IQCJ: variants seen among roughly 807,000 people sequenced by gnomAD.
IQCJ encodes the protein IQ motif containing J, also known as IQ domain-containing protein J.
A neutral mutation model predicts 11.0 loss-of-function variants in IQCJ; 9 were observed. The ratio of observed to expected loss-of-function variants is 0.82; its 90% CI spans 0.49 to 1.43. The LOEUF is 1.43. Ranked by LOEUF, IQCJ falls within the 40% of genes most tolerant of loss-of-function variation. The pLI, the probability that IQCJ is intolerant of heterozygous loss-of-function variation, is 0.00. For missense variants in IQCJ, 146 were observed against 133.2 expected (o/e 1.10, Z -0.47); for synonymous variants, 55 against 51.3 (o/e 1.07, Z -0.31).
chr3:159,173,136 G>A (rs1722587012), intron 1 of IQCJ, among the ~76,000 whole-genome samples: 1 of 152,082 alleles, frequency 6.6e-6, no homozygotes, highest in Admixed American at 6.6e-5. Flanking sequence ...TTCAGCTTTG[G>A]CCATGCCATC....
intron 3 of IQCJ, among the ~76,000 whole-genome samples, chr3:159,253,804 C>A (rs972471133): frequency 2.0e-5 from 3 of 152,216 alleles, no homozygotes; most frequent in Admixed American, 1.3e-4. Flanking sequence ...CAACGTTGAA[C>A]AACACCAAGT....
intron 1 of IQCJ, among the ~76,000 whole-genome samples, chr3:159,087,387 G>T (rs1190766588): frequency 6.9e-6 from 1 of 144,306 alleles, no homozygotes; most frequent in South Asian, 2.3e-4. Context: ...CTCTTTTTTG[G>T]TTGTGTCTCT....
At chr3:159,223,555 A>T (rs148774625) in intron 1 of IQCJ, among the ~76,000 whole-genome samples, 321 of 152,250 alleles carry the variant, frequency 2.1e-3, no homozygotes, top group African/African-American at 7.5e-3. Context: ...AGATACAGAC[A>T]TACCTTAAAA....
At chr3:159,123,810 T>C (rs1007946036) in intron 1 of IQCJ, among the ~76,000 whole-genome samples, 7 of 152,114 alleles carry the variant, frequency 4.6e-5, no homozygotes, top group African/African-American at 1.7e-4. Context: ...TGTGATTTAG[T>C]GGGGTGACAA....
chr3:159,233,177 G>A (rs1273486138), intron 1 of IQCJ, among the ~76,000 whole-genome samples: 1 of 152,036 alleles, frequency 6.6e-6, no homozygotes, highest in African/African-American at 2.4e-5. Context: ...GGGTTTTGAT[G>A]ACACGTTTAT....
intron 2 of IQCJ, among the ~76,000 whole-genome samples, chr3:159,248,431 C>T (rs1727399745): frequency 6.6e-6 from 1 of 152,168 alleles, no homozygotes; most frequent in Non-Finnish European, 1.5e-5. Flanking sequence ...AATTTCCCTC[C>T]ACCACCACCG....
rs765699106 is a variant in IQCJ at position 159,262,662 on chromosome 3, C to T, written c.270C>T (p.Thr90=). 3 of 1,613,996 alleles carry T rather than the reference C, an allele frequency of 1.9e-6. No homozygotes were observed. Among genetic ancestry groups the T allele is most frequent in the African/African-American group, 1.3e-5 (1 of 75,046 alleles). The change falls in exon 4 of 4, where the codon ACC becomes ACT. Residue 90 remains threonine, a synonymous_variant. Coordinates refer to ENST00000397832, the MANE Select transcript of IQCJ (RefSeq NM_001042706.3). ...TGAGCAGCTCTGTCAGCATGAACAC[C>T]TTCTCCGACAGCAGCACACCCGTGA... ...EKLSSSVSMN[T]FSDSSTPVSV...
chr3:159,084,563 A>G (rs1318065087), intron 1 of IQCJ, among the ~76,000 whole-genome samples: 1 of 152,132 alleles, frequency 6.6e-6, no homozygotes, highest in Non-Finnish European at 1.5e-5. Flanking sequence ...CAACAATCCT[A>G]TGATGTAGCT....
chr3:159,178,848 T>C (rs1403588722), intron 1 of IQCJ, among the ~76,000 whole-genome samples: 1 of 152,180 alleles, frequency 6.6e-6, no homozygotes, highest in African/African-American at 2.4e-5. Flanking sequence ...AGGAAAAAGA[T>C]ACAATCAGTT....
intron 1 of IQCJ, among the ~76,000 whole-genome samples, chr3:159,179,003 A>G (rs998367037): frequency 8.5e-5 from 13 of 152,134 alleles, no homozygotes; most frequent in African/African-American, 2.9e-4. Flanking sequence ...CTAGAAAAAA[A>G]TATATTTTGG....
chr3:159,096,403 C>A (rs1717757531), intron 1 of IQCJ, among the ~76,000 whole-genome samples: 1 of 146,170 alleles, frequency 6.8e-6, no homozygotes, highest in Non-Finnish European at 1.5e-5. Flanking sequence ...TCTTTTGTTG[C>A]CATTGCTTTT....
chr3:159,157,047 G>T (rs1190074215), intron 1 of IQCJ, among the ~76,000 whole-genome samples: 3 of 152,288 alleles, frequency 2.0e-5, no homozygotes, highest in South Asian at 4.1e-4. Flanking sequence ...TGTGTGGCCT[G>T]ATCTTTCCAC....
rs992223669 is a variant in IQCJ at position 159,229,920 on chromosome 3, T to A, written c.10-15923T>A. 3.4e-4 allele frequency among the ~76,000 whole-genome samples: 48 copies of A among 139,348 alleles called. No individual in the cohort carries two copies. In the Admixed American group the frequency reaches 3.5e-3, roughly 10 times the overall value. 91.4% of individuals were successfully genotyped at this position (139,348 alleles called of 152,430 possible). ...AACCACAGTTTTGTTAATTTTTTTT[T>A]AAATTTCAGCTTTGATTTTAGATAC... On this transcript the variant is annotated intron_variant, in intron 1 of 3. Coordinates refer to ENST00000397832, the MANE Select transcript of IQCJ (RefSeq NM_001042706.3).
intron 1 of IQCJ, among the ~76,000 whole-genome samples, chr3:159,179,335 G>T (rs191380272): frequency 1.2e-4 from 19 of 152,168 alleles, no homozygotes; most frequent in Admixed American, 3.3e-4. Flanking sequence ...ATGGTCAGAG[G>T]TTCTCACCTC....
rs61796000 is a variant in IQCJ at position 159,088,794 on chromosome 3, A to G, written c.9+19353A>G. Among the ~76,000 whole-genome samples the G allele has an allele frequency of 6.5e-3, 988 of 151,640 alleles. 3 individuals carry two copies. Among genetic ancestry groups the G allele is most frequent in the Middle Eastern group, 0.017 (5 of 294 alleles). ...TTGGTAGATCTTCCTCCATCCTTTT[A>G]TTTTGAGCCTATGTGTGTCTCTGCA... On this transcript the variant is annotated intron_variant, in intron 1 of 3. Coordinates refer to ENST00000397832, the MANE Select transcript of IQCJ (RefSeq NM_001042706.3).
chr3:159,085,021 C>G (rs1716616491), intron 1 of IQCJ, among the ~76,000 whole-genome samples: 1 of 151,882 alleles, frequency 6.6e-6, no homozygotes, highest in Admixed American at 6.6e-5. Context: ...CACCCACTAA[C>G]TCGTCATCTA....
intron 1 of IQCJ, among the ~76,000 whole-genome samples, chr3:159,204,605 T>C (rs1724541150): frequency 6.6e-6 from 1 of 152,210 alleles, no homozygotes; most frequent in Non-Finnish European, 1.5e-5. Context: ...CTATATTGTA[T>C]TGGTTAAAGC....
At chr3:159,265,657 G>C (rs150938544), downstream of IQCJ, 1 of 345,812 alleles carries the variant, frequency 2.9e-6, no homozygotes, top group Non-Finnish European at 5.3e-6. Flanking sequence ...TGCTGTTACT[G>C]CCTAGACAAT....
At chr3:159,234,773 G>A (rs766632036) in intron 1 of IQCJ, among the ~76,000 whole-genome samples, 3 of 152,148 alleles carry the variant, frequency 2.0e-5, no homozygotes, top group Admixed American at 6.6e-5. Flanking sequence ...GAGATAGATC[G>A]GTATGAAGGG....
Sources: allele counts gnomAD v4.1 joint callset (sites outside exome capture counted in the v4.1 genomes callset), GRCh38; gene constraint gnomAD v4.1.1; transcripts MANE v1.5; gene names NCBI Gene and HGNC (gene_info 2026-07-23, HGNC 2026-07-21).